CHD8: variants seen among roughly 807,000 people sequenced by gnomAD.
CHD8 encodes chromodomain helicase DNA binding protein 8, also known as ATP-dependent chromatin remodeler CHD8.
CHD8 carries 31 observed loss-of-function variants against 279.2 expected under a neutral mutation model. That is an observed-to-expected ratio of 0.11 (90% CI 0.08 to 0.15). CHD8 has a LOEUF of 0.15. CHD8 is among the 10% of genes least tolerant of loss of function. The probability of loss-of-function intolerance (pLI) is 1.00; values close to 1 mark genes in which losing one functional copy is unlikely to be tolerated. For missense variants in CHD8, 2,146 were observed against 3,230.5 expected, an observed-to-expected ratio of 0.66 and a Z score of 8.14; for synonymous variants, 1,081 against 1,139.6, an observed-to-expected ratio of 0.95 and a Z score of 1.04.
chr14:21,451,790 G>A (rs76282988), intron 1 of CHD8, among the ~76,000 whole-genome samples: 13,731 of 151,880 alleles, frequency 0.09, 916 homozygotes, highest in Non-Finnish European at 0.14. Flanking sequence ...CCTAGTGAAG[G>A]ATGGAAACTA....
intron 37 of CHD8, 79 bp downstream of exon 37, chr14:21,390,865 CATT>C: frequency 4.2e-6 from 3 of 714,904 alleles, no homozygotes; most frequent in Non-Finnish European, 7.4e-6. Context: ...AGATAAATAA[CATT>C]AGTCACAATC....
intron 9 of CHD8, chr14:21,414,025 G>T: frequency 3.3e-6 from 1 of 300,188 alleles, no homozygotes; most frequent in Non-Finnish European, 6.2e-6. Context: ...TGCCTCAAGT[G>T]GACCAGCAGT....
At position 21,405,286 on chromosome 14, in the gene CHD8, C is replaced by T; in HGVS notation, c.3230G>A (p.Gly1077Asp). ...AAGTAGATTAGGCATGTTGGTATGA[C>T]CTGCCCCTTTGGAAAGGAAGGAGAA... is the stretch of plus-strand genomic sequence containing the variant. ...KNFSFLSKGA[G>D]HTNMPNLLNT... The change falls in exon 16 of 38, where the codon GGT (glycine) becomes GAT (aspartate). Residue 1077 changes from glycine (G) to aspartate (D), a missense_variant. Physicochemically the swap from Gly to Asp is moderately conservative, Grantham distance 94 (BLOSUM62 -1). Around this residue, in one of 26 missense-constraint regions of CHD8, gnomAD observed 18 missense variants for 17.1 expected, o/e 1.05. Coordinates refer to ENST00000646647, the MANE Select transcript of CHD8 (RefSeq NM_001170629.2). This position sits in a 1 kb window ranked among gnomAD's most constrained non-coding sequence, Gnocchi z 4.2. The T allele has an allele frequency of 6.2e-7, 1 of 1,613,024 alleles. No homozygotes were observed. Among genetic ancestry groups the T allele is most frequent in the South Asian group, 1.1e-5 (1 of 90,818 alleles).
chr14:21,451,571 C>CAAAAA (rs969355375), intron 1 of CHD8, among the ~76,000 whole-genome samples: 15 of 31,632 alleles, frequency 4.7e-4, no homozygotes, highest in African/African-American at 1.0e-3. Flanking sequence ...GACTCTGTCT[C>CAAAAA]AAAAAAAAAA....
At position 21,451,113 on chromosome 14, in the gene CHD8, A is replaced by G. The variant is rs182086599; in HGVS notation, c.-216+4919T>C. Among the ~76,000 whole-genome samples the G allele has an allele frequency of 4.9e-4, 74 of 152,354 alleles. 1 individual carries two copies. Among genetic ancestry groups the G allele is most frequent in the Middle Eastern group, 6.8e-3 (2 of 294 alleles). On this transcript the variant is annotated intron_variant, in intron 1 of 37. Coordinates refer to ENST00000646647, the MANE Select transcript of CHD8 (RefSeq NM_001170629.2). The stretch of plus-strand genomic sequence containing the variant: ...GTCAACCCTTTCTTAATAATTACAC[A>G]TAACAGTAAATCATAGTTCTGGAAA...
chr14:21,425,205 T>C (rs534375533), intron 5 of CHD8: 2 of 152,192 alleles, frequency 1.3e-5, no homozygotes, highest in African/African-American at 4.8e-5. Flanking sequence ...AAGGGATTCT[T>C]GGAGAGTTCT....
chr14:21,414,246 C>A, intron 9 of CHD8, 55 bp downstream of exon 9: 1 of 884,468 alleles, frequency 1.1e-6, no homozygotes, highest in Non-Finnish European at 1.9e-6. Context: ...GCTGACAACC[C>A]CAGTAATTTG....
At chr14:21,386,340 A>T in intron 37 of CHD8, 164 bp from the exon 38 acceptor site, 1 of 637,900 alleles carries the variant, frequency 1.6e-6, no homozygotes, top group South Asian at 2.1e-5. Flanking sequence ...AATGGGAAGG[A>T]GGAAATGCTG....
rs1887205802 is a variant in CHD8 at position 21,385,916 on chromosome 14, T to C, written c.7443A>G (p.Pro2481=). 1 of 1,552,516 alleles carries C rather than the reference T, an allele frequency of 6.4e-7. No homozygotes were observed. Among genetic ancestry groups the C allele is most frequent in the African/African-American group, 1.4e-5 (1 of 73,126 alleles). The change falls in exon 38 of 38, where the codon CCA becomes CCG. Residue 2481 remains proline (P), a synonymous_variant. Coordinates refer to ENST00000646647, the MANE Select transcript of CHD8 (RefSeq NM_001170629.2). ...TGCTGGAGTCTACATGAGGGGATGA[T>C]GGTGCACCACCCATCACAAATGGCA... ...PFMPFVMGGA[P]SSPHVDSSTM... is the part of the protein sequence containing the mutation.
intron 36 of CHD8, 66 bp downstream of exon 36, chr14:21,391,397 C>T (rs1759001140): frequency 2.7e-6 from 4 of 1,465,116 alleles, no homozygotes; most frequent in South Asian, 2.5e-5. Flanking sequence ...CATGCTTTCT[C>T]TTTCTCATGC....
In CHD8 at chr14:21,436,855, G is replaced by A. The variant is rs1389791626; in HGVS notation, c.-215-4997C>T. The A allele has an allele frequency of 7.2e-5, 58 of 803,696 alleles. 1 individual carries two copies. Among genetic ancestry groups the A allele is most frequent in the Non-Finnish European group, 9.8e-5 (55 of 558,906 alleles). 49.8% of individuals were successfully genotyped at this position (803,696 alleles called of 1,614,324 possible). A position where few individuals can be genotyped will look rare whatever the true frequency, so the allele number is the denominator to read the frequency against. ...TGAGGAAGTGAGGGGTTGATGGAGA[G>A]GAAAACGCGACTGGGGTGGGGGTGG... On this transcript the variant is annotated intron_variant, in intron 1 of 37. Coordinates refer to ENST00000646647, the MANE Select transcript of CHD8 (RefSeq NM_001170629.2).
chr14:21,432,994 T>G (rs531991997), intron 1 of CHD8, among the ~76,000 whole-genome samples: 1 of 152,312 alleles, frequency 6.6e-6, no homozygotes, highest in South Asian at 2.1e-4. Flanking sequence ...TATGAATGTA[T>G]GCAATGTACA....
chr14:21,447,775 G>C (rs1890163527), intron 1 of CHD8, among the ~76,000 whole-genome samples: 1 of 151,146 alleles, frequency 6.6e-6, no homozygotes, highest in South Asian at 2.1e-4. Context: ...AACCCCTCAA[G>C]TTTTGGTCTA....
In CHD8 at chr14:21,402,643, A is replaced by T; in HGVS notation, c.3715-140T>A. On this transcript the variant is annotated intron_variant, in intron 18 of 37. Transcript: ENST00000646647. This position sits in a 1 kb window ranked among gnomAD's most constrained non-coding sequence, Gnocchi z 4.5. ...AACTCAAAACCAAGAGTCAATTTCA[A>T]GATGAAATTATCACCCCATCATGTA... 2.4e-6 allele frequency: 2 copies of T among 827,242 alleles called. No homozygotes were observed. Among genetic ancestry groups the T allele is most frequent in the Non-Finnish European group, 3.7e-6 (2 of 546,260 alleles). 51.2% of individuals were successfully genotyped at this position (827,242 alleles called of 1,614,324 possible).
intron 26 of CHD8, chr14:21,399,349 A>C (rs1887933208): frequency 2.2e-6 from 1 of 463,908 alleles, no homozygotes; most frequent in Non-Finnish European, 4.0e-6. Flanking sequence ...GCGGTAACAC[A>C]CTGCTAACAG....
Position 21,400,408 on chromosome 14 carries a change from AT to A in CHD8, c.4570+4del. ...AAAAACATAAAGTAAAGAGTTGATAATTACCTGAATGATTCTGCAATTCTTT... is the reference window on the plus strand; with the variant it reads ...AAAAACATAAAGTAAAGAGTTGATAATACCTGAATGATTCTGCAATTCTTT... On this transcript the variant is annotated splice_donor_region_variant and intron_variant, in intron 23 of 37. Transcript: ENST00000646647. The surrounding 1 kb of genome is among the most constrained non-coding windows in gnomAD (Gnocchi z 4.2). The A allele has an allele frequency of 6.3e-7, 1 of 1,599,604 alleles. No individual in the cohort carries two copies. The highest frequency in any genetic ancestry group is 8.5e-7 in the Non-Finnish European group (1 of 1,175,688).
Position 21,403,205 on chromosome 14 carries a change from A to G in CHD8, c.3526T>C (p.Tyr1176His), listed in dbSNP as rs371329028. ...CTAACTCGCCCATCAATACGTTCATATAAGTACCTGTATGGGAATCGCAGA... is the reference window on the plus strand; with the variant it reads ...CTAACTCGCCCATCAATACGTTCATGTAAGTACCTGTATGGGAATCGCAGA... The part of the protein sequence containing the change: ...EDYLIQRRYL[Y>H]ERIDGRVRGN... The change falls in exon 18 of 38, where the codon TAT (tyrosine) becomes CAT (histidine). Residue 1176 changes from tyrosine (Y) to histidine (H), a missense_variant. Physicochemically the swap from Tyr to His is moderately conservative, Grantham distance 83. Transcript: ENST00000646647. The surrounding 1 kb of genome is among the most constrained non-coding windows in gnomAD (Gnocchi z 4.3). 2 of 1,613,582 alleles carry G rather than the reference A, an allele frequency of 1.2e-6. No homozygotes were observed. The highest frequency in any genetic ancestry group is 1.7e-6 in the Non-Finnish European group (2 of 1,179,740).
Position 21,428,957 on chromosome 14 carries a change from C to G in CHD8, c.1215+7G>C. 6.2e-7 allele frequency: 1 copy of G among 1,613,906 alleles called. No homozygotes were observed. The highest frequency in any genetic ancestry group is 1.1e-5 in the South Asian group (1 of 91,062). On this transcript the variant is annotated splice_region_variant and intron_variant, in intron 3 of 37. Coordinates refer to ENST00000646647, the MANE Select transcript of CHD8 (RefSeq NM_001170629.2). The stretch of plus-strand genomic sequence containing the variant: ...TCTTTCTTTTCCTTACTATGTAAGT[C>G]TCTCACCTGTGGCTGCAGTACCACC...
At chr14:21,414,540 C>A in intron 8 of CHD8, 122 bp from the exon 9 acceptor site, 2 of 628,094 alleles carry the variant, frequency 3.2e-6, no homozygotes, top group Non-Finnish European at 5.6e-6. Context: ...GGGAGACAGT[C>A]TCTTAGGTCA....
Sources: gnomAD v4.1 joint callset for allele counts (sites outside exome capture counted in the v4.1 genomes callset) on GRCh38, gnomAD v4.1.1 for gene constraint, gnomAD v4.1.1 regional missense constraint, Gnocchi (gnomAD v3.1) non-coding constraint, MANE v1.5 for transcripts, NCBI Gene and HGNC (gene_info 2026-07-23, HGNC 2026-07-21) for gene names.